RANBP1: variants seen among roughly 807,000 people sequenced by gnomAD.
RANBP1 encodes ran-specific GTPase-activating protein.
RANBP1 carries 16 observed loss-of-function variants against 31.4 expected under a neutral mutation model. That is an observed-to-expected ratio of 0.51 (90% CI 0.34 to 0.77). The LOEUF (loss-of-function observed/expected upper bound fraction) is 0.77, where lower values mean the gene tolerates loss of function less well. RANBP1 is among the 30% of genes least tolerant of loss of function. The pLI, the probability that RANBP1 is intolerant of heterozygous loss-of-function variation, is 0.01. For synonymous variants in RANBP1, 129 were observed against 140.5 expected, an observed-to-expected ratio of 0.92 and a Z score of 0.58; for missense variants, 265 against 362.0, an observed-to-expected ratio of 0.73 and a Z score of 2.17.
chr22:20,125,527 G>T (rs1433575511), intron 4 of RANBP1, 91 bp downstream of exon 4: 3 of 1,544,254 alleles, frequency 1.9e-6, no homozygotes, highest in Non-Finnish European at 2.6e-6. Flanking sequence ...GTTGCCTTTT[G>T]GGGAGAGGGG....
Position 20,126,303 on chromosome 22 carries a change from A to G in RANBP1, c.671A>G (p.Asn224Ser), listed in dbSNP as rs765398844. ...GAAGTCTTCGCTCTCCCTTCCACAG[A>G]TGCACAGAAATTCAAAACAAAGTTT... ...LLAIRFLNAE[N>S]AQKFKTKFEE... Residue 224 changes from asparagine to serine, a missense_variant and splice_region_variant, in exon 5 of 6, where the codon AAT becomes AGT. Around this residue, in one of 3 missense-constraint regions of RANBP1, gnomAD observed 90 missense variants for 190.5 expected, o/e 0.47. Transcript: ENST00000430524. 1 of 1,612,968 alleles carries G rather than the reference A, an allele frequency of 6.2e-7. No homozygotes were observed. The highest frequency in any genetic ancestry group is 1.1e-5 in the South Asian group (1 of 91,064).
intron 1 of RANBP1, 125 bp from the exon 2 acceptor site, chr22:20,118,888 T>C: frequency 2.1e-6 from 2 of 958,500 alleles, no homozygotes; most frequent in Middle Eastern, 3.4e-4. Context: ...TGCTTTGGGG[T>C]TGGGCCCATC....
intron 2 of RANBP1, among the ~76,000 whole-genome samples, chr22:20,121,653 TC>T (rs1345599617): frequency 2.0e-5 from 3 of 152,284 alleles, no homozygotes; most frequent in Admixed American, 2.0e-4. Flanking sequence ...CAAGGGATCC[TC>T]CTCCCTCTGC....
intron 3 of RANBP1, chr22:20,124,618 G>C (rs2050256546): frequency 6.5e-6 from 1 of 153,122 alleles, no homozygotes; most frequent in Admixed American, 6.5e-5. Flanking sequence ...CTGGGGAGTT[G>C]GGGTGGAGGC....
intron 1 of RANBP1, chr22:20,116,827 A>AACC: frequency 2.0e-6 from 2 of 1,018,016 alleles, no homozygotes; most frequent in Non-Finnish European, 2.6e-6. Context: ...TTCCTGACCC[A>AACC]CCCCGCCTCC....
chr22:20,121,888 A>G (rs1055316033), intron 2 of RANBP1, among the ~76,000 whole-genome samples: 23 of 138,766 alleles, frequency 1.7e-4, no homozygotes, highest in Admixed American at 8.0e-4. Context: ...ACAGGCGTGC[A>G]TCACCACACT....
At chr22:20,117,258 C>G in intron 1 of RANBP1, 1 of 574,094 alleles carries the variant, frequency 1.7e-6, no homozygotes, top group Non-Finnish European at 2.7e-6. Context: ...CATCGTCACG[C>G]GCCGGATCCA....
At chr22:20,118,961 G>C (rs973948997) in intron 1 of RANBP1, 52 bp from the exon 2 acceptor site, 1 of 1,587,940 alleles carries the variant, frequency 6.3e-7, no homozygotes, top group Non-Finnish European at 8.6e-7. Context: ...TTGGGCTCTG[G>C]TTGTGAGCCA....
Position 20,116,153 on chromosome 22 carries a change from C to G in RANBP1, c.-32C>G. ...TCGGCCACTCGTGTTACTGGTGGCT[C>G]ACTCTCACCCTCCTGTCGCCTCCTC... On this transcript the variant is annotated 5_prime_UTR_variant, in exon 1 of 6. Coordinates refer to ENST00000430524, the MANE Select transcript of RANBP1 (RefSeq NM_001278639.2). The G allele has an allele frequency of 6.2e-7, 1 of 1,613,070 alleles. No homozygotes were observed. The highest frequency in any genetic ancestry group is 8.5e-7 in the Non-Finnish European group (1 of 1,179,852).
chr22:20,125,113 G>T, intron 3 of RANBP1, 195 bp from the exon 4 acceptor site: 1 of 614,544 alleles, frequency 1.6e-6, no homozygotes, highest in Non-Finnish European at 2.8e-6. Flanking sequence ...TGAATATGGA[G>T]GATTTTCAAA....
At chr22:20,117,826 G>C (rs2050075271) in intron 1 of RANBP1, 1 of 1,021,364 alleles carries the variant, frequency 9.8e-7, no homozygotes, top group South Asian at 4.6e-5. Context: ...GTGGGGTTTG[G>C]GGGCTCGAGG....
intron 2 of RANBP1, among the ~76,000 whole-genome samples, chr22:20,121,306 A>G (rs1052700793): frequency 6.7e-6 from 1 of 150,352 alleles, no homozygotes; most frequent in African/African-American, 2.5e-5. Context: ...CTGGTGCGCA[A>G]TGGTGTGATC....
chr22:20,116,519 C>T, intron 1 of RANBP1, 89 bp downstream of exon 1: 4 of 1,611,072 alleles, frequency 2.5e-6, no homozygotes, highest in African/African-American at 1.3e-5. Flanking sequence ...TCCACCTCCT[C>T]CAGGGCTGCC....
intron 1 of RANBP1, chr22:20,117,966 G>A: frequency 1.0e-6 from 1 of 1,003,884 alleles, no homozygotes; most frequent in Non-Finnish European, 1.2e-6. Context: ...TCCAGGAACT[G>A]GTGCGGGCGG....
chr22:20,124,770 A>G (rs913636299), intron 3 of RANBP1: 4 of 160,156 alleles, frequency 2.5e-5, no homozygotes, highest in Non-Finnish European at 4.0e-5. Flanking sequence ...CCCACTTTCT[A>G]GCCTTCTGCT....
At chr22:20,120,223 C>T (rs1198165235) in intron 2 of RANBP1, among the ~76,000 whole-genome samples, 1 of 152,156 alleles carries the variant, frequency 6.6e-6, no homozygotes, top group African/African-American at 2.4e-5. Flanking sequence ...AGGAGGGATA[C>T]CTGGGAAAGG....
At chr22:20,117,761 G>A (rs1416516597) in intron 1 of RANBP1, 2 of 1,071,540 alleles carry the variant, frequency 1.9e-6, no homozygotes, top group Non-Finnish European at 2.3e-6. Context: ...ACCAACCTCC[G>A]CCGGCCTGCA....
intron 5 of RANBP1, 69 bp downstream of exon 5, chr22:20,126,437 G>A (rs775669214): frequency 5.6e-6 from 9 of 1,611,238 alleles, no homozygotes; most frequent in Middle Eastern, 3.3e-4. Flanking sequence ...ACTTCCAGGC[G>A]GGTGCTTTTT....
chr22:20,119,872 G>C (rs1174991835), intron 2 of RANBP1, among the ~76,000 whole-genome samples: 1 of 152,148 alleles, frequency 6.6e-6, no homozygotes, highest in Non-Finnish European at 1.5e-5. Context: ...TGATGGTTTA[G>C]TTATTAAAAC....
Sources: gnomAD v4.1 joint callset for allele counts (sites outside exome capture counted in the v4.1 genomes callset) on GRCh38, gnomAD v4.1.1 for gene constraint, gnomAD v4.1.1 regional missense constraint, MANE v1.5 for transcripts, NCBI Gene and HGNC (gene_info 2026-07-23, HGNC 2026-07-21) for gene names.